Variants in GPHN observed in about 807,000 individuals in gnomAD.
GPHN encodes gephyrin.
In GPHN, 17 loss-of-function variants were observed where a neutral mutation model predicts 95.5. That is an observed-to-expected ratio of 0.18 (90% confidence interval 0.12 to 0.27). The LOEUF is 0.27. Among genes scored for constraint, GPHN ranks in the 10% least tolerant of loss-of-function variants. GPHN has a pLI of 1.00. For synonymous variants in GPHN, 320 were observed against 322.5 expected (o/e 0.99, Z 0.08); for missense variants, 660 against 978.1 (o/e 0.67, Z 4.34).
At chr14:67,354,329 G>A in the GPHN span, among the ~76,000 whole-genome samples, 1 of 152,126 alleles carries the variant, frequency 6.6e-6, no homozygotes, top group Non-Finnish European at 1.5e-5. Context: ...TATTTGATTT[G>A]TAAGTTAAAA....
chr14:66,687,830 A>G (rs1303113369), intron 2 of GPHN, among the ~76,000 whole-genome samples: 1 of 152,118 alleles, frequency 6.6e-6, no homozygotes, highest in Non-Finnish European at 1.5e-5. Context: ...ATGTGTTTCC[A>G]TTTGTTTGTG....
chr14:67,352,863 G>T, the GPHN span: 5 of 1,081,654 alleles, frequency 4.6e-6, no homozygotes, highest in Non-Finnish European at 6.7e-6. Context: ...AAAAAAAAAT[G>T]CCAAGGGCCA....
chr14:66,811,288 C>A (rs1291407646), intron 3 of GPHN, among the ~76,000 whole-genome samples: 2 of 151,666 alleles, frequency 1.3e-5, no homozygotes, highest in Non-Finnish European at 2.9e-5. Flanking sequence ...ACTCCTGAAT[C>A]TAAAAATAAA....
chr14:66,811,556 A>C (rs1251904132), intron 3 of GPHN, among the ~76,000 whole-genome samples: 4 of 142,780 alleles, frequency 2.8e-5, no homozygotes, highest in African/African-American at 1.2e-4. Context: ...CAAAAAAAAA[A>C]AAAAGAAACA....
the GPHN span, chr14:67,660,063 C>T: frequency 1.2e-6 from 1 of 819,878 alleles, no homozygotes; most frequent in East Asian, 2.8e-5. Context: ...AGGCAGGGAC[C>T]ATGTCTGGCA....
chr14:67,598,488 T>C, the GPHN span, among the ~76,000 whole-genome samples: 1 of 151,656 alleles, frequency 6.6e-6, no homozygotes, highest in Non-Finnish European at 1.5e-5. Context: ...TCATTGCTCT[T>C]TGTGAGCCTT....
the GPHN span, among the ~76,000 whole-genome samples, chr14:67,666,334 G>A: frequency 6.6e-6 from 1 of 152,210 alleles, no homozygotes; most frequent in African/African-American, 2.4e-5. Flanking sequence ...AGGGGGAGAA[G>A]AAGACCACAG....
chr14:67,205,112 A>T, the GPHN span: 2 of 1,534,726 alleles, frequency 1.3e-6, no homozygotes, highest in African/African-American at 1.4e-5. Flanking sequence ...GAAGACTTTC[A>T]TGCTTTAATA....
At chr14:67,356,967 G>T in the GPHN span, among the ~76,000 whole-genome samples, 23,582 of 152,144 alleles carry the variant, frequency 0.15, 3,455 homozygotes, top group East Asian at 0.42. Flanking sequence ...AAGGTAAACT[G>T]GTTGATAAAA....
intron 9 of GPHN, among the ~76,000 whole-genome samples, chr14:66,999,055 G>A (rs2072032117): frequency 6.6e-6 from 1 of 151,874 alleles, no homozygotes; most frequent in Non-Finnish European, 1.5e-5. Flanking sequence ...ACGCAGAGAG[G>A]TTAACTATCT....
chr14:67,657,646 T>G, the GPHN span, among the ~76,000 whole-genome samples: 2 of 150,426 alleles, frequency 1.3e-5, no homozygotes, highest in African/African-American at 4.9e-5. Flanking sequence ...GGGACCCAGC[T>G]CACAGAGGCC....
chr14:67,585,580 T>A, the GPHN span: 1 of 1,581,288 alleles, frequency 6.3e-7, no homozygotes, highest in Non-Finnish European at 8.6e-7. Flanking sequence ...TGCCCAGCTG[T>A]CTTCCAAGGA....
intron 2 of GPHN, among the ~76,000 whole-genome samples, chr14:66,742,659 A>G (rs568705787): frequency 2.0e-5 from 3 of 152,324 alleles, no homozygotes; most frequent in Non-Finnish European, 2.9e-5. Flanking sequence ...CTATTAAAAT[A>G]CTATTTTTCT....
chr14:66,803,939 G>A (rs1028811130), intron 3 of GPHN, among the ~76,000 whole-genome samples: 1 of 151,304 alleles, frequency 6.6e-6, no homozygotes, highest in Non-Finnish European at 1.5e-5. Flanking sequence ...CTATTTTCTT[G>A]AACATATTAA....
the GPHN span, among the ~76,000 whole-genome samples, chr14:67,535,094 TG>T: frequency 1.3e-5 from 2 of 152,198 alleles, no homozygotes; most frequent in East Asian, 3.8e-4. Flanking sequence ...TAAGTTATAT[TG>T]TTGAGTACAG....
chr14:67,033,677 T>C (rs926163000), intron 10 of GPHN, among the ~76,000 whole-genome samples: 2 of 152,048 alleles, frequency 1.3e-5, no homozygotes, highest in African/African-American at 4.8e-5. Flanking sequence ...GAAATAATGG[T>C]CAAAAACTTC....
At chr14:67,562,164 T>A in the GPHN span, 5 of 1,611,318 alleles carry the variant, frequency 3.1e-6, no homozygotes, top group African/African-American at 2.7e-5. Flanking sequence ...TCACGGAAGC[T>A]GCTGGTGCCC....
chr14:67,358,172 G>C, the GPHN span, among the ~76,000 whole-genome samples: 6 of 152,188 alleles, frequency 3.9e-5, no homozygotes, highest in Non-Finnish European at 8.8e-5. Context: ...TAGTGTCGAT[G>C]TCTTTCAGTG....
the GPHN span, among the ~76,000 whole-genome samples, chr14:67,715,917 C>CG: frequency 2.0e-5 from 3 of 152,076 alleles, no homozygotes; most frequent in Non-Finnish European, 4.4e-5. Context: ...GCCTAGAGGC[C>CG]GGGGGCAGTG....
Sources: allele counts gnomAD v4.1 joint callset (sites outside exome capture counted in the v4.1 genomes callset), GRCh38; gene constraint gnomAD v4.1.1; transcripts MANE v1.5; gene names NCBI Gene and HGNC (gene_info 2026-07-23, HGNC 2026-07-21).